Variants in MAGI2 observed in about 807,000 individuals in gnomAD.
MAGI2 encodes the protein membrane associated guanylate kinase, WW and PDZ domain containing 2.
A neutral mutation model predicts 133.3 loss-of-function variants in MAGI2; 35 were observed. The observed-to-expected ratio is 0.26, with a 90% CI of 0.20 to 0.35. The LOEUF is 0.35. Ranked by LOEUF, MAGI2 falls within the 10% of genes least tolerant of loss-of-function variation. MAGI2 has a pLI of 1.00. For synonymous variants in MAGI2, 729 were observed against 710.6 expected (o/e 1.03, Z -0.41); for missense variants, 1,636 against 1,863.4 (o/e 0.88, Z 2.25).
intron 6 of MAGI2, among the ~76,000 whole-genome samples, chr7:78,455,026 T>C (rs1329241513): frequency 6.6e-6 from 1 of 152,168 alleles, no homozygotes. Flanking sequence ...GACAGAACTG[T>C]ACAACACAAA....
At chr7:78,076,682 T>C (rs1320624526) in intron 21 of MAGI2, among the ~76,000 whole-genome samples, 1 of 145,894 alleles carries the variant, frequency 6.9e-6, no homozygotes, top group Non-Finnish European at 1.5e-5. Flanking sequence ...CCGTCTCTAC[T>C]AAAAATACAA....
chr7:78,869,028 C>T (rs1794820406), intron 2 of MAGI2, among the ~76,000 whole-genome samples: 1 of 152,216 alleles, frequency 6.6e-6, no homozygotes, highest in Non-Finnish European at 1.5e-5. Context: ...GCTAGGATTA[C>T]AGGCGTGAGC....
intron 16 of MAGI2, among the ~76,000 whole-genome samples, chr7:78,159,143 C>T (rs1252813184): frequency 1.3e-5 from 2 of 152,186 alleles, no homozygotes; most frequent in Non-Finnish European, 2.9e-5. Flanking sequence ...AATAATAAAA[C>T]TCTGTCTCCC....
chr7:78,520,847 T>C (rs62468572), intron 4 of MAGI2, among the ~76,000 whole-genome samples: 11,861 of 152,202 alleles, frequency 0.078, 570 homozygotes, highest in Non-Finnish European at 0.11. Context: ...TGGCTTCACA[T>C]TGTTAATGTA....
intron 2 of MAGI2, among the ~76,000 whole-genome samples, chr7:78,717,630 T>C (rs1165916406): frequency 6.6e-6 from 1 of 152,168 alleles, no homozygotes; most frequent in African/African-American, 2.4e-5. Flanking sequence ...TAAATAATAA[T>C]GGCAAATTTT....
At chr7:78,500,947 G>C (rs184007204) in intron 5 of MAGI2, among the ~76,000 whole-genome samples, 3 of 152,126 alleles carry the variant, frequency 2.0e-5, no homozygotes, top group African/African-American at 4.8e-5. Context: ...AATTAGCCAG[G>C]CATGGTGGTA....
chr7:78,419,328 C>A (rs1456906414), intron 6 of MAGI2, among the ~76,000 whole-genome samples: 4 of 152,020 alleles, frequency 2.6e-5, no homozygotes, highest in African/African-American at 9.7e-5. Flanking sequence ...GGCAAGCCTG[C>A]GTTTTATAAC....
At chr7:78,882,109 G>GA (rs1795915418) in intron 2 of MAGI2, among the ~76,000 whole-genome samples, 5 of 50,846 alleles carry the variant, frequency 9.8e-5, no homozygotes, top group African/African-American at 1.5e-4. Flanking sequence ...AAAAAAAAAA[G>GA]AAAAGAAAAA....
intron 3 of MAGI2, among the ~76,000 whole-genome samples, chr7:78,548,265 G>C (rs553635166): frequency 6.6e-6 from 1 of 152,202 alleles, no homozygotes; most frequent in African/African-American, 2.4e-5. Context: ...TTCATTATGA[G>C]AAACTTATTC....
chr7:78,527,006 C>CAAAAAAAAAAAAAAAAAA lies in MAGI2; in HGVS notation c.539-5379_539-5362dup, dbSNP rs55707442. On this transcript the variant is annotated intron_variant, in intron 3 of 21. Coordinates refer to ENST00000354212, the MANE Select transcript of MAGI2 (RefSeq NM_012301.4). ...ATGGTGACAGGGCAAGACTCCATCT[C>CAAAAAAAAAAAAAAAAAA]AAAAAAAAAAAAAAAAAAAAAAAAA... 7.2e-3 allele frequency among the ~76,000 whole-genome samples: 326 copies of CAAAAAAAAAAAAAAAAAA among 45,336 alleles called. 3 individuals are homozygous for CAAAAAAAAAAAAAAAAAA. Among genetic ancestry groups the CAAAAAAAAAAAAAAAAAA allele is most frequent in the Non-Finnish European group, 9.4e-3 (212 of 22,484 alleles). The allele number at this position is 45,336 out of a possible 152,430, so 29.7% of individuals were successfully genotyped here.
At chr7:78,215,922 T>C (rs1461803006) in intron 10 of MAGI2, among the ~76,000 whole-genome samples, 1 of 152,224 alleles carries the variant, frequency 6.6e-6, no homozygotes, top group East Asian at 1.9e-4. Flanking sequence ...TTATGAGGCA[T>C]AGCAGTTAAA....
chr7:78,177,104 A>G (rs934274947), intron 14 of MAGI2, among the ~76,000 whole-genome samples: 4 of 151,978 alleles, frequency 2.6e-5, no homozygotes, highest in Non-Finnish European at 5.9e-5. Flanking sequence ...CTACTCTACA[A>G]TAGAGCACTA....
At chr7:78,547,404 G>C (rs1010420364) in intron 3 of MAGI2, among the ~76,000 whole-genome samples, 5 of 152,240 alleles carry the variant, frequency 3.3e-5, no homozygotes, top group Non-Finnish European at 7.3e-5. Flanking sequence ...AATATGGCAG[G>C]TTCGCTGAGT....
chr7:78,681,250 T>C (rs553189985), intron 2 of MAGI2, among the ~76,000 whole-genome samples: 2 of 152,256 alleles, frequency 1.3e-5, no homozygotes, highest in African/African-American at 4.8e-5. Context: ...TGTACACTTA[T>C]CAATTAGGCC....
chr7:78,338,104 G>T (rs928961827), intron 9 of MAGI2, among the ~76,000 whole-genome samples: 1 of 152,058 alleles, frequency 6.6e-6, no homozygotes, highest in Non-Finnish European at 1.5e-5. Flanking sequence ...TGATATTTTG[G>T]TTTTTTTATT....
chr7:78,955,006 T>C (rs1018638258), intron 2 of MAGI2, among the ~76,000 whole-genome samples: 8 of 152,048 alleles, frequency 5.3e-5, no homozygotes, highest in African/African-American at 1.9e-4. Context: ...AATAATATTG[T>C]AATAGGAAAA....
At chr7:78,767,011 T>G (rs1465145076) in intron 2 of MAGI2, among the ~76,000 whole-genome samples, 1 of 150,468 alleles carries the variant, frequency 6.6e-6, no homozygotes, top group Admixed American at 6.6e-5. Context: ...TTTTTTGAGA[T>G]GGAGTCTTGC....
intron 2 of MAGI2, among the ~76,000 whole-genome samples, chr7:78,749,957 A>G (rs1823293394): frequency 6.6e-6 from 1 of 152,150 alleles, no homozygotes; most frequent in Non-Finnish European, 1.5e-5. Flanking sequence ...ATAGGTATAC[A>G]CGTGCCATGG....
At chr7:79,318,972 T>C (rs1031071194) in intron 1 of MAGI2, among the ~76,000 whole-genome samples, 1 of 152,212 alleles carries the variant, frequency 6.6e-6, no homozygotes, top group African/African-American at 2.4e-5. Flanking sequence ...TAGACTTTTT[T>C]GCTTGGGAGC....
Sources: gnomAD v4.1 joint callset for allele counts (sites outside exome capture counted in the v4.1 genomes callset) on GRCh38, gnomAD v4.1.1 for gene constraint, MANE v1.5 for transcripts, NCBI Gene and HGNC (gene_info 2026-07-23, HGNC 2026-07-21) for gene names.